The following GNAQ variants were observed in gnomAD, a reference collection of about 807,000 sequenced individuals.
GNAQ encodes the protein guanine nucleotide-binding protein G(q) subunit alpha.
In GNAQ, 8 loss-of-function variants were observed where a neutral mutation model predicts 43.9. That is an observed-to-expected ratio of 0.18 (90% confidence interval 0.11 to 0.33). The LOEUF is 0.33. Ranked by LOEUF, GNAQ falls within the 10% of genes least tolerant of loss-of-function variation. The probability of loss-of-function intolerance (pLI) is 1.00; values close to 1 mark genes in which losing one functional copy is unlikely to be tolerated. For synonymous variants in GNAQ, 155 were observed against 170.7 expected (o/e 0.91, Z 0.71); for missense variants, 158 against 450.8 (o/e 0.35, Z 5.88).
intron 2 of GNAQ, among the ~76,000 whole-genome samples, chr9:77,859,156 GA>G (rs369903706): frequency 2.4e-4 from 37 of 152,230 alleles, no homozygotes; most frequent in African/African-American, 8.4e-4. Context: ...CTAACTCCTG[GA>G]AATTTTCTCT....
At chr9:77,814,521 G>A (rs1458393283) in intron 3 of GNAQ, among the ~76,000 whole-genome samples, 2 of 152,138 alleles carry the variant, frequency 1.3e-5, no homozygotes, top group African/African-American at 2.4e-5. Context: ...AAGAATACAA[G>A]AAATAGTTTG....
In GNAQ at chr9:77,892,737, T is replaced by C. The variant is rs139786129; in HGVS notation, c.321+29424A>G. ...CTACTCATTCTCACTTGAAAAAAGC[T>C]TCATTTATAGGGCACAGATAAGAAT... On this transcript the variant is annotated intron_variant, in intron 2 of 6. Coordinates refer to ENST00000286548, the MANE Select transcript of GNAQ (RefSeq NM_002072.5). 7.1e-3 allele frequency among the ~76,000 whole-genome samples: 1,082 copies of C among 152,266 alleles called. 20 individuals are homozygous for C. Among genetic ancestry groups the C allele is most frequent in the African/African-American group, 0.024 (1,006 of 41,540 alleles).
At chr9:78,011,836 A>G (rs1823775849) in intron 1 of GNAQ, among the ~76,000 whole-genome samples, 1 of 152,202 alleles carries the variant, frequency 6.6e-6, no homozygotes. Context: ...AAATTCAATT[A>G]TGAATGATTG....
At chr9:77,924,634 A>C (rs1014511907) in intron 1 of GNAQ, among the ~76,000 whole-genome samples, 1 of 152,216 alleles carries the variant, frequency 6.6e-6, no homozygotes, top group Non-Finnish European at 1.5e-5. Flanking sequence ...GGGCAAGAGC[A>C]GTCAACATTT....
Position 77,797,782 on chromosome 9 carries a change from G to T in GNAQ, c.477-134C>A, listed in dbSNP as rs369324356. 2.4e-4 allele frequency: 173 copies of T among 713,954 alleles called. No homozygotes were observed. In the African/African-American group the frequency reaches 2.7e-3, roughly 11 times the overall value. The allele number at this position is 713,954 out of a possible 1,614,324, so 44.2% of individuals were successfully genotyped here. A position where few individuals can be genotyped will look rare whatever the true frequency, so the allele number is the denominator to read the frequency against. On this transcript the variant is annotated intron_variant, in intron 3 of 6. Transcript: ENST00000286548. Reference sequence around the variant, plus strand: ...AGAAAAATATCAGAAAGTGGTAGAGGAGTCTGTGGAAAAGAAAGATAAAGT... The same window carrying T: ...AGAAAAATATCAGAAAGTGGTAGAGTAGTCTGTGGAAAAGAAAGATAAAGT...
At chr9:77,941,060 AC>A (rs1829309828) in intron 1 of GNAQ, among the ~76,000 whole-genome samples, 2 of 152,212 alleles carry the variant, frequency 1.3e-5, no homozygotes, top group African/African-American at 2.4e-5. Flanking sequence ...ATTTAGCTTC[AC>A]AAGTATTAAA....
chr9:77,732,934 C>A (rs1161499967), intron 5 of GNAQ, among the ~76,000 whole-genome samples: 1 of 152,132 alleles, frequency 6.6e-6, no homozygotes. Flanking sequence ...ACCAAAGAGG[C>A]CACAAAGGCT....
intron 2 of GNAQ, among the ~76,000 whole-genome samples, chr9:77,834,779 C>T (rs1827357160): frequency 6.6e-6 from 1 of 152,134 alleles, no homozygotes. Context: ...GCAGTAAGAA[C>T]AGTTCTCCAA....
chr9:77,871,835 T>C (rs1314126001), intron 2 of GNAQ, among the ~76,000 whole-genome samples: 1 of 152,208 alleles, frequency 6.6e-6, no homozygotes, highest in Non-Finnish European at 1.5e-5. Flanking sequence ...CAACTTAATA[T>C]TCTTTTGATT....
chr9:77,973,428 A>G (rs1386420606), intron 1 of GNAQ, among the ~76,000 whole-genome samples: 2 of 152,220 alleles, frequency 1.3e-5, no homozygotes, highest in Non-Finnish European at 2.9e-5. Context: ...TCTAACGTGT[A>G]TGGAAAATGC....
chr9:77,857,556 GGGAA>G lies in GNAQ; in HGVS notation c.322-41790_322-41787del, dbSNP rs754040412. 8.0e-4 allele frequency among the ~76,000 whole-genome samples: 118 copies of G among 147,326 alleles called. 1 individual carries two copies. Among genetic ancestry groups the G allele is most frequent in the East Asian group, 1.8e-3 (9 of 4,912 alleles). On this transcript the variant is annotated intron_variant, in intron 2 of 6. Transcript: ENST00000286548. ...AGGGAAGAAGGAAGGGAGGGAGGGAGGGAAGGAAGGAAGGAAGGAAGGGTAGAAA... is the reference window on the plus strand; with the variant it reads ...AGGGAAGAAGGAAGGGAGGGAGGGAGGGAAGGAAGGAAGGAAGGGTAGAAA...
chr9:77,741,374 C>T (rs1201334113), intron 5 of GNAQ, among the ~76,000 whole-genome samples: 2 of 152,166 alleles, frequency 1.3e-5, no homozygotes, highest in South Asian at 2.1e-4. Flanking sequence ...CAACAAAGCA[C>T]ATATATGGAA....
chr9:77,975,603 G>A (rs934802897), intron 1 of GNAQ, among the ~76,000 whole-genome samples: 7 of 145,972 alleles, frequency 4.8e-5, no homozygotes, highest in African/African-American at 1.5e-4. Context: ...GCAGTGGCGC[G>A]ATCTCGGTTC....
At chr9:77,906,641 A>C (rs1260759129) in intron 2 of GNAQ, among the ~76,000 whole-genome samples, 1 of 152,250 alleles carries the variant, frequency 6.6e-6, no homozygotes, top group East Asian at 1.9e-4. Context: ...CCAAATTTCC[A>C]AGAACTGAAA....
intron 2 of GNAQ, among the ~76,000 whole-genome samples, chr9:77,821,724 G>GGTGTGTGTGTGTGTGT (rs1554718670): frequency 5.6e-5 from 8 of 142,308 alleles, no homozygotes; most frequent in African/African-American, 2.1e-4. Context: ...TCCTAGTATG[G>GGTGTGTGTGTGTGTGT]GTGTGTGTGT....
chr9:78,007,052 T>C (rs1823715815), intron 1 of GNAQ, among the ~76,000 whole-genome samples: 1 of 152,192 alleles, frequency 6.6e-6, no homozygotes, highest in Non-Finnish European at 1.5e-5. Flanking sequence ...TGATGACTGG[T>C]TCTACATTCA....
rs1826999603 is a variant in GNAQ, at chr9:77,815,603, G to A, written c.476+13C>T. On this transcript the variant is annotated intron_variant, in intron 3 of 6. Coordinates refer to ENST00000286548, the MANE Select transcript of GNAQ (RefSeq NM_002072.5). ...AGAGAAAAATCCATAGGGCCACCTG[G>A]AAAGATACTCACTATTTGGTAGAGT... 6.3e-7 allele frequency: 1 copy of A among 1,576,078 alleles called. No individual in the cohort carries two copies. The highest frequency in any genetic ancestry group is 8.7e-7 in the Non-Finnish European group (1 of 1,152,356).
intron 1 of GNAQ, among the ~76,000 whole-genome samples, chr9:77,926,855 C>G (rs1181396040): frequency 6.6e-6 from 1 of 152,110 alleles, no homozygotes; most frequent in Admixed American, 6.5e-5. Flanking sequence ...ATTTAAGAAC[C>G]ATGCTATGAG....
intron 2 of GNAQ, among the ~76,000 whole-genome samples, chr9:77,855,326 G>A (rs1337107330): frequency 6.6e-6 from 1 of 152,046 alleles, no homozygotes; most frequent in Non-Finnish European, 1.5e-5. Flanking sequence ...AAAGGCCAAC[G>A]AGCAGTTATT....
Sources: gnomAD v4.1 joint callset for allele counts (sites outside exome capture counted in the v4.1 genomes callset) on GRCh38, gnomAD v4.1.1 for gene constraint, MANE v1.5 for transcripts, NCBI Gene and HGNC (gene_info 2026-07-23, HGNC 2026-07-21) for gene names.